EPHA6: variants seen among roughly 807,000 people sequenced by gnomAD.
The protein encoded by EPHA6 is EPH receptor A6, also known as ephrin type-A receptor 6.
EPHA6 carries 50 observed loss-of-function variants against 112.0 expected under a neutral mutation model. The ratio of observed to expected loss-of-function variants is 0.45; its 90% CI spans 0.36 to 0.56. EPHA6 has a LOEUF of 0.56. Ranked by LOEUF, EPHA6 falls within the 20% of genes least tolerant of loss-of-function variation. EPHA6 has a pLI of 0.00. For synonymous variants in EPHA6, 529 were observed against 490.7 expected, an observed-to-expected ratio of 1.08 and a Z score of -1.03; for missense variants, 1,280 against 1,417.4, an observed-to-expected ratio of 0.90 and a Z score of 1.56.
At chr3:96,869,993 A>G (rs902042248) in intron 2 of EPHA6, among the ~76,000 whole-genome samples, 2 of 152,106 alleles carry the variant, frequency 1.3e-5, no homozygotes, top group African/African-American at 4.8e-5. Context: ...GCAATGCAAT[A>G]TAGTACAAGA....
intron 3 of EPHA6, among the ~76,000 whole-genome samples, chr3:97,168,166 TA>T (rs2076586955): frequency 2.0e-5 from 3 of 152,196 alleles, no homozygotes; most frequent in African/African-American, 7.2e-5. Flanking sequence ...TCAATTGTTA[TA>T]AAGTTATTAT....
chr3:97,167,780 C>A (rs566567983), intron 3 of EPHA6, among the ~76,000 whole-genome samples: 1 of 151,958 alleles, frequency 6.6e-6, no homozygotes, highest in South Asian at 2.1e-4. Flanking sequence ...AAACAGTATT[C>A]TTTAGTATTA....
chr3:97,168,736 A>G (rs908603468), intron 3 of EPHA6, among the ~76,000 whole-genome samples: 7 of 151,928 alleles, frequency 4.6e-5, no homozygotes, highest in African/African-American at 1.7e-4. Flanking sequence ...AGCCCCAAAG[A>G]ATGGTCAGCT....
chr3:97,746,905 G>T (rs2035738119), intron 16 of EPHA6, among the ~76,000 whole-genome samples: 1 of 152,014 alleles, frequency 6.6e-6, no homozygotes, highest in Middle Eastern at 3.4e-3. Flanking sequence ...TTTGAGAACA[G>T]ACAAATGGAA....
chr3:97,582,251 AC>A (rs970501766), intron 11 of EPHA6, among the ~76,000 whole-genome samples: 1 of 151,438 alleles, frequency 6.6e-6, no homozygotes, highest in Non-Finnish European at 1.5e-5. Context: ...CAGGTCTCAA[AC>A]CCCTGACCTG....
rs750931080 is a variant in EPHA6 at position 97,372,048 on chromosome 3, C to T, written c.1607-33102C>T. Among the ~76,000 whole-genome samples, 5 of 152,110 alleles carry T rather than the reference C, an allele frequency of 3.3e-5. No individual in the cohort carries two copies. In the East Asian group the frequency reaches 5.8e-4, roughly 18 times the overall value. ...TAATTTTGCCCCGGTCCTGTGATCTCGCCCTGCCTTCATTTACCTTGTAAT... is the reference window on the plus strand; with the variant it reads ...TAATTTTGCCCCGGTCCTGTGATCTTGCCCTGCCTTCATTTACCTTGTAAT... On this transcript the variant is annotated intron_variant, in intron 5 of 17. Coordinates refer to ENST00000389672, the MANE Select transcript of EPHA6 (RefSeq NM_001080448.3).
At chr3:97,290,423 G>T (rs1425163756) in intron 5 of EPHA6, among the ~76,000 whole-genome samples, 1 of 152,252 alleles carries the variant, frequency 6.6e-6, no homozygotes, top group African/African-American at 2.4e-5. Context: ...TGGCTGATGG[G>T]TGGAGTTTTC....
chr3:97,402,330 G>C (rs1205949687), intron 5 of EPHA6, among the ~76,000 whole-genome samples: 1 of 151,988 alleles, frequency 6.6e-6, no homozygotes, highest in Admixed American at 6.6e-5. Flanking sequence ...GGTTGCTGCA[G>C]TGTTGAGTGC....
At chr3:97,334,040 TTC>T (rs1400405826) in intron 5 of EPHA6, among the ~76,000 whole-genome samples, 2 of 152,134 alleles carry the variant, frequency 1.3e-5, no homozygotes, top group Non-Finnish European at 2.9e-5. Context: ...CAAATATTTT[TTC>T]TGTGTCAATT....
chr3:97,384,524 G>A (rs2085945048), intron 5 of EPHA6, among the ~76,000 whole-genome samples: 1 of 152,130 alleles, frequency 6.6e-6, no homozygotes, highest in African/African-American at 2.4e-5. Flanking sequence ...CAATGGAGAG[G>A]AAACCTAGTA....
chr3:97,488,670 T>C (rs918817309), intron 10 of EPHA6, among the ~76,000 whole-genome samples: 7 of 152,236 alleles, frequency 4.6e-5, no homozygotes, highest in Non-Finnish European at 8.8e-5. Context: ...TTTATATATA[T>C]ATTTTAAAAC....
intron 11 of EPHA6, among the ~76,000 whole-genome samples, chr3:97,571,230 A>G (rs776692489): frequency 1.2e-4 from 18 of 152,140 alleles, no homozygotes; most frequent in Non-Finnish European, 2.5e-4. Flanking sequence ...AATAAGCCCT[A>G]ATCAGGAAAG....
At chr3:97,237,575 T>C (rs1046685494) in intron 4 of EPHA6, among the ~76,000 whole-genome samples, 1 of 152,024 alleles carries the variant, frequency 6.6e-6, no homozygotes, top group Non-Finnish European at 1.5e-5. Context: ...CTCAATATCA[T>C]CTGTTTGTAC....
intron 3 of EPHA6, among the ~76,000 whole-genome samples, chr3:97,032,465 TAAAA>T (rs766600981): frequency 2.0e-5 from 3 of 151,190 alleles, no homozygotes; most frequent in Non-Finnish European, 3.0e-5. Flanking sequence ...ATAAAAAGAA[TAAAA>T]AAAAGGATGA....
intron 14 of EPHA6, among the ~76,000 whole-genome samples, chr3:97,719,983 A>C (rs1043270402): frequency 1.3e-5 from 2 of 152,190 alleles, no homozygotes; most frequent in Non-Finnish European, 2.9e-5. Flanking sequence ...AGAGGGGTTA[A>C]TTGTGTGAAT....
chr3:97,454,689 T>G (rs1395180910), intron 7 of EPHA6, among the ~76,000 whole-genome samples: 1 of 151,834 alleles, frequency 6.6e-6, no homozygotes, highest in Non-Finnish European at 1.5e-5. Context: ...GTTAACACAT[T>G]TTCTTCCCTA....
chr3:97,507,381 C>T lies in EPHA6; in HGVS notation c.2200+23322C>T, dbSNP rs139338452. Reference sequence around the variant, plus strand: ...CAGAGTTTTTAGCATGAAGGAGTGTCGAATTTTATCGAAGGCCTTTTCTGC... The same window carrying T: ...CAGAGTTTTTAGCATGAAGGAGTGTTGAATTTTATCGAAGGCCTTTTCTGC... On this transcript the variant is annotated intron_variant, in intron 10 of 17. Coordinates refer to ENST00000389672, the MANE Select transcript of EPHA6 (RefSeq NM_001080448.3). Among the ~76,000 whole-genome samples, 121 of 152,140 alleles carry T rather than the reference C, an allele frequency of 8.0e-4. 1 individual carries two copies. The highest frequency in any genetic ancestry group is 2.7e-3 in the African/African-American group (111 of 41,520).
chr3:97,700,598 A>C (rs1436230789), intron 14 of EPHA6, among the ~76,000 whole-genome samples: 2 of 152,244 alleles, frequency 1.3e-5, no homozygotes, highest in Non-Finnish European at 2.9e-5. Context: ...GCTTAGCTGA[A>C]CAGAATATCT....
At chr3:97,121,545 CCAAATACAAACTGTTTTTA>C (rs1353573587) in intron 3 of EPHA6, among the ~76,000 whole-genome samples, 1 of 152,026 alleles carries the variant, frequency 6.6e-6, no homozygotes, top group Admixed American at 6.6e-5. Context: ...GCTTCAGATT[CCAAATACAAACTGTTTTTA>C]CAAAACCACT....
Sources: allele counts gnomAD v4.1 joint callset (sites outside exome capture counted in the v4.1 genomes callset), GRCh38; gene constraint gnomAD v4.1.1; transcripts MANE v1.5; gene names NCBI Gene and HGNC (gene_info 2026-07-23, HGNC 2026-07-21).